The following ZNF346 variants were observed in gnomAD, a reference collection of about 807,000 sequenced individuals.
ZNF346 encodes the protein double-stranded RNA-binding zinc finger protein JAZ.
Under a neutral mutation model 33.7 loss-of-function variants are expected in ZNF346, and 23 were observed. That is an observed-to-expected ratio of 0.68 (90% CI 0.49 to 0.97). ZNF346 has a LOEUF of 0.97. Among genes scored for constraint, ZNF346 ranks in the 50% least tolerant of loss-of-function variants. ZNF346 has a pLI of 0.00. For missense variants in ZNF346, 340 were observed against 371.1 expected (o/e 0.92, Z 0.69); for synonymous variants, 134 against 142.4 (o/e 0.94, Z 0.42).
intron 6 of ZNF346, among the ~76,000 whole-genome samples, chr5:177,064,093 T>G (rs1782894044): frequency 6.6e-6 from 1 of 152,170 alleles, no homozygotes. Context: ...TTACTTGCAG[T>G]TAGACCTGGG....
chr5:177,026,398 C>T (rs1420721781), intron 1 of ZNF346, among the ~76,000 whole-genome samples: 3 of 134,044 alleles, frequency 2.2e-5, no homozygotes, highest in African/African-American at 8.8e-5. Flanking sequence ...CCCACTCTAT[C>T]GCCCAGGCTA....
Position 177,066,286 on chromosome 5 carries a change from G to T in ZNF346, c.*1687G>T, listed in dbSNP as rs543664386. On this transcript the variant is annotated 3_prime_UTR_variant, in exon 7 of 7. Coordinates refer to ENST00000358149, the MANE Select transcript of ZNF346 (RefSeq NM_012279.4). ...ACTGTTCTGGCTGTTATGTAAAGGA[G>T]TGCAGGGAGGGGCAGGAAAGGAGAC... Among the ~76,000 whole-genome samples the T allele has an allele frequency of 6.6e-6, 1 of 151,946 alleles. No individual in the cohort carries two copies. The highest frequency in any genetic ancestry group is 6.6e-5 in the Admixed American group (1 of 15,230).
chr5:177,041,980 T>A (rs1779400777), intron 3 of ZNF346, 110 bp downstream of exon 3: 1 of 635,286 alleles, frequency 1.6e-6, no homozygotes, highest in Non-Finnish European at 2.8e-6. Flanking sequence ...CCCTGTTGTG[T>A]GACTCGGGCA....
intron 1 of ZNF346, among the ~76,000 whole-genome samples, chr5:177,038,245 TGC>T (rs529979159): frequency 1.4e-4 from 20 of 146,142 alleles, no homozygotes; most frequent in African/African-American, 5.0e-4. Context: ...TGCGCCACCA[TGC>T]CCAACTACGT....
chr5:177,063,966 C>G (rs1310121454), intron 6 of ZNF346, among the ~76,000 whole-genome samples: 1 of 152,174 alleles, frequency 6.6e-6, no homozygotes, highest in African/African-American at 2.4e-5. Flanking sequence ...GATTGAGTCT[C>G]ATTAAATTTC....
intron 1 of ZNF346, among the ~76,000 whole-genome samples, chr5:177,031,850 A>C (rs2149594519): frequency 6.6e-6 from 1 of 152,112 alleles, no homozygotes; most frequent in East Asian, 1.9e-4. Context: ...AAGTTCACTG[A>C]TTCTTCTGCC....
intron 3 of ZNF346, 184 bp downstream of exon 3, chr5:177,042,054 A>G: frequency 2.0e-6 from 1 of 496,584 alleles, no homozygotes; most frequent in Non-Finnish European, 3.6e-6. Flanking sequence ...AATATCAACT[A>G]CCTTTCAGGA....
intron 4 of ZNF346, among the ~76,000 whole-genome samples, chr5:177,045,674 A>G (rs1368935063): frequency 6.6e-6 from 1 of 151,946 alleles, no homozygotes; most frequent in South Asian, 2.1e-4. Flanking sequence ...TTTTTTAAAT[A>G]GAGATGGCTT....
intron 4 of ZNF346, among the ~76,000 whole-genome samples, chr5:177,046,172 G>A (rs927211188): frequency 8.6e-5 from 13 of 151,854 alleles, no homozygotes; most frequent in Non-Finnish European, 1.5e-4. Context: ...GTGGTGGCAC[G>A]AGCCTGTAGT....
rs568411539 is a variant in ZNF346, at chr5:177,060,837, G to A, written c.704-1221G>A. The stretch of plus-strand genomic sequence containing the variant: ...ATAAATAAATAAGTTGTGGGCTGGG[G>A]TGGTGGCTTACGCCTGTAATCCCAG... On this transcript the variant is annotated intron_variant, in intron 5 of 6. Transcript: ENST00000358149. 0.012 allele frequency among the ~76,000 whole-genome samples: 380 copies of A among 31,032 alleles called. 3 individuals carry two copies. The African/African-American group carries it at 0.17, about 14-fold the overall frequency. The allele number at this position is 31,032 out of a possible 152,430, so 20.4% of individuals were successfully genotyped here. A position where few individuals can be genotyped will look rare whatever the true frequency, so the allele number is the denominator to read the frequency against.
rs563437947 is a variant in ZNF346 at position 177,061,364 on chromosome 5, G to A, written c.704-694G>A. 3.0e-4 allele frequency among the ~76,000 whole-genome samples: 45 copies of A among 152,032 alleles called. No homozygotes were observed. In the South Asian group the frequency reaches 8.5e-3, roughly 29 times the overall value. ...GGAGGCTGAGGCAGGAGAATCCCTCGAACCCGGGAGGCACAGGTTGCAGTG... is the reference window on the plus strand; with the variant it reads ...GGAGGCTGAGGCAGGAGAATCCCTCAAACCCGGGAGGCACAGGTTGCAGTG... On this transcript the variant is annotated intron_variant, in intron 5 of 6. Transcript: ENST00000358149.
chr5:177,075,602 GA>G (rs1382354059), intron 8 of ZNF346, among the ~76,000 whole-genome samples: 2 of 152,014 alleles, frequency 1.3e-5, no homozygotes, highest in African/African-American at 4.8e-5. Flanking sequence ...CTGCAGCCTC[GA>G]TCTCCTGGGC....
rs147124737 is a variant in ZNF346, at chr5:177,060,082, G to A, written c.704-1976G>A. Reference sequence around the variant, plus strand: ...GCTTTGTGGGTCATGTTAGGGCAGCGGGCCTTCACCCTGAGAGCACTGGGA... The same window carrying A: ...GCTTTGTGGGTCATGTTAGGGCAGCAGGCCTTCACCCTGAGAGCACTGGGA... On this transcript the variant is annotated intron_variant, in intron 5 of 6. Transcript: ENST00000358149. Among the ~76,000 whole-genome samples, 381 of 152,292 alleles carry A rather than the reference G, an allele frequency of 2.5e-3. 2 individuals carry two copies. Among genetic ancestry groups the A allele is most frequent in the African/African-American group, 8.7e-3 (360 of 41,552 alleles).
intron 1 of ZNF346, among the ~76,000 whole-genome samples, chr5:177,031,209 T>G (rs893060304): frequency 6.6e-6 from 1 of 152,234 alleles, no homozygotes; most frequent in Non-Finnish European, 1.5e-5. Context: ...TAATTTTGTA[T>G]TTTTAGTAGA....
intron 5 of ZNF346, among the ~76,000 whole-genome samples, chr5:177,055,138 A>G (rs978022526): frequency 6.6e-6 from 1 of 151,316 alleles, no homozygotes; most frequent in African/African-American, 2.4e-5. Context: ...GGTTCAAGCA[A>G]TTCTCCTGCC....
intron 1 of ZNF346, among the ~76,000 whole-genome samples, chr5:177,033,557 T>TCCATCTCA (rs1188105645): frequency 6.6e-6 from 1 of 152,202 alleles, no homozygotes; most frequent in Non-Finnish European, 1.5e-5. Context: ...GGAGTCTCAC[T>TCCATCTCA]CTGTAGCCCA....
intron 8 of ZNF346, among the ~76,000 whole-genome samples, chr5:177,076,547 G>T (rs1022772217): frequency 6.6e-6 from 1 of 152,174 alleles, no homozygotes; most frequent in African/African-American, 2.4e-5. Context: ...AGTTTGGACA[G>T]AACCCCTTTA....
intron 5 of ZNF346, chr5:177,051,597 G>A (rs1581903227): frequency 2.0e-5 from 3 of 152,284 alleles, no homozygotes; most frequent in Non-Finnish European, 2.9e-5. Context: ...GGAGTGCAGC[G>A]GCGCAATCTC....
intron 4 of ZNF346, among the ~76,000 whole-genome samples, chr5:177,045,760 G>A (rs768565065): frequency 1.4e-4 from 22 of 151,794 alleles, no homozygotes; most frequent in Non-Finnish European, 4.4e-5. Context: ...CAGAGTGCTG[G>A]GATTACAGGC....
Sources: gnomAD v4.1 joint callset for allele counts (sites outside exome capture counted in the v4.1 genomes callset) on GRCh38, gnomAD v4.1.1 for gene constraint, MANE v1.5 for transcripts, NCBI Gene and HGNC (gene_info 2026-07-23, HGNC 2026-07-21) for gene names.